The following UNC5D variants were observed in gnomAD, a reference collection of about 807,000 sequenced individuals.
The protein encoded by UNC5D is netrin receptor UNC5D.
Under a neutral mutation model 105.4 loss-of-function variants are expected in UNC5D, and 39 were observed. That is an observed-to-expected ratio of 0.37 (90% CI 0.29 to 0.48). UNC5D has a LOEUF of 0.48. Among genes scored for constraint, UNC5D ranks in the 20% least tolerant of loss-of-function variants. The probability of loss-of-function intolerance (pLI) is 0.98; values close to 1 mark genes in which losing one functional copy is unlikely to be tolerated. For missense variants in UNC5D, 991 were observed against 1,202.4 expected (o/e 0.82, Z 2.60); for synonymous variants, 452 against 450.4 (o/e 1.00, Z -0.04).
intron 1 of UNC5D, among the ~76,000 whole-genome samples, chr8:35,251,846 A>T (rs1471298650): frequency 6.6e-6 from 1 of 152,114 alleles, no homozygotes; most frequent in Non-Finnish European, 1.5e-5. Context: ...TAGGCCTGGT[A>T]GTTCCTCATA....
intron 1 of UNC5D, among the ~76,000 whole-genome samples, chr8:35,291,417 A>G (rs1807057392): frequency 6.6e-6 from 1 of 152,214 alleles, no homozygotes; most frequent in Non-Finnish European, 1.5e-5. Context: ...ACCATAAAGG[A>G]TATGTCTCCA....
chr8:35,749,212 T>C (rs1036047022), intron 12 of UNC5D, among the ~76,000 whole-genome samples: 1 of 152,224 alleles, frequency 6.6e-6, no homozygotes, highest in African/African-American at 2.4e-5. Context: ...GTCTATTTCC[T>C]GTGTGTATGA....
At chr8:35,636,115 G>T (rs776188264) in intron 4 of UNC5D, among the ~76,000 whole-genome samples, 1 of 152,126 alleles carries the variant, frequency 6.6e-6, no homozygotes, top group Non-Finnish European at 1.5e-5. Flanking sequence ...ATCTGCTGCC[G>T]AATTCTATAT....
chr8:35,704,899 C>T (rs1001527168), intron 7 of UNC5D, among the ~76,000 whole-genome samples: 1 of 151,008 alleles, frequency 6.6e-6, no homozygotes, highest in African/African-American at 2.4e-5. Flanking sequence ...GAATGGGGGA[C>T]ACTGGGGGCA....
chr8:35,331,467 G>A (rs1274550066), intron 1 of UNC5D, among the ~76,000 whole-genome samples: 1 of 152,098 alleles, frequency 6.6e-6, no homozygotes, highest in African/African-American at 2.4e-5. Flanking sequence ...GAAAACCAAA[G>A]GAGGAGGCCA....
chr8:35,296,205 T>C (rs371963415), intron 1 of UNC5D, among the ~76,000 whole-genome samples: 9 of 152,184 alleles, frequency 5.9e-5, no homozygotes, highest in African/African-American at 1.9e-4. Flanking sequence ...ACATGGTAGC[T>C]TTATTTTTAG....
chr8:35,401,943 T>C (rs1354957979), intron 1 of UNC5D, among the ~76,000 whole-genome samples: 3 of 152,188 alleles, frequency 2.0e-5, no homozygotes, highest in African/African-American at 7.2e-5. Flanking sequence ...GTGAGAAATA[T>C]TCATCTTAAT....
chr8:35,523,144 G>A (rs1813607351), intron 1 of UNC5D, among the ~76,000 whole-genome samples: 1 of 148,546 alleles, frequency 6.7e-6, no homozygotes, highest in African/African-American at 2.5e-5. Context: ...GTGCAGTGGT[G>A]CACTCATGGC....
At position 35,513,200 on chromosome 8, in the gene UNC5D, G is replaced by A. The variant is rs545672923; in HGVS notation, c.104-36092G>A. Among the ~76,000 whole-genome samples the A allele has an allele frequency of 3.0e-4, 44 of 148,170 alleles. No homozygotes were observed. The East Asian group carries it at 8.1e-3, about 27-fold the overall frequency. On this transcript the variant is annotated intron_variant, in intron 1 of 16. Transcript: ENST00000404895. ...TGTGCATTGCTTCCTCATCTCCTTT[G>A]CCCTTTGCCTTCTTGGACCCTCCTT... is the stretch of plus-strand genomic sequence containing the variant.
In UNC5D at chr8:35,790,681, T is replaced by G. The variant is rs1161183020; in HGVS notation, c.*118T>G. 2 of 1,139,136 alleles carry G rather than the reference T, an allele frequency of 1.8e-6. No individual in the cohort carries two copies. The highest frequency in any genetic ancestry group is 2.5e-6 in the Non-Finnish European group (2 of 790,908). The allele number at this position is 1,139,136 out of a possible 1,614,324, so 70.6% of individuals were successfully genotyped here. A position where few individuals can be genotyped will look rare whatever the true frequency, so the allele number is the denominator to read the frequency against. On this transcript the variant is annotated 3_prime_UTR_variant, in exon 17 of 17. Transcript: ENST00000404895. The stretch of plus-strand genomic sequence containing the variant: ...GAATTCAGCCTTCATTTATAATCAG[T>G]GAGATTCCCCTGTTGAAGAAACTAA...
intron 4 of UNC5D, among the ~76,000 whole-genome samples, chr8:35,660,419 A>G (rs1824036751): frequency 6.6e-6 from 1 of 151,922 alleles, no homozygotes; most frequent in African/African-American, 2.4e-5. Context: ...CCATGACTTC[A>G]TGGTATTTAA....
intron 1 of UNC5D, among the ~76,000 whole-genome samples, chr8:35,495,526 T>C (rs984779882): frequency 1.3e-5 from 2 of 151,482 alleles, no homozygotes; most frequent in African/African-American, 4.9e-5. Flanking sequence ...CAAATTTGTG[T>C]TGGGCCCCAT....
chr8:35,568,440 G>A (rs749549127), intron 3 of UNC5D, among the ~76,000 whole-genome samples, 199 bp downstream of exon 3: 5 of 152,238 alleles, frequency 3.3e-5, no homozygotes, highest in African/African-American at 4.8e-5. Context: ...TGTGATCCCA[G>A]CACTTTGGGA....
intron 1 of UNC5D, among the ~76,000 whole-genome samples, chr8:35,331,259 G>T (rs376872618): frequency 6.6e-6 from 1 of 152,112 alleles, no homozygotes; most frequent in Non-Finnish European, 1.5e-5. Flanking sequence ...CCAGTGGTTC[G>T]ATAAAAATTA....
intron 1 of UNC5D, among the ~76,000 whole-genome samples, chr8:35,421,522 A>G (rs1244747844): frequency 6.6e-6 from 1 of 152,198 alleles, no homozygotes; most frequent in Non-Finnish European, 1.5e-5. Flanking sequence ...AGACTTTTAA[A>G]TTTTACTTTA....
intron 1 of UNC5D, among the ~76,000 whole-genome samples, chr8:35,462,082 T>C (rs4361760): frequency 0.89 from 135,147 of 152,168 alleles, 60,282 homozygotes; most frequent in Non-Finnish European, 0.91. Context: ...TTAAGGGTTA[T>C]TTTCATTTTG....
chr8:35,579,219 T>C (rs1024673290), intron 3 of UNC5D, among the ~76,000 whole-genome samples: 6 of 152,194 alleles, frequency 3.9e-5, no homozygotes, highest in African/African-American at 1.4e-4. Flanking sequence ...AGGAATGTCA[T>C]CTTAGATTAT....
At chr8:35,510,973 C>A (rs989937771) in intron 1 of UNC5D, among the ~76,000 whole-genome samples, 2 of 152,186 alleles carry the variant, frequency 1.3e-5, no homozygotes, top group African/African-American at 2.4e-5. Flanking sequence ...AGCAAAGCCT[C>A]CATTAATTGG....
At chr8:35,236,249 A>T (rs995830799) in intron 1 of UNC5D, among the ~76,000 whole-genome samples, 2 of 152,170 alleles carry the variant, frequency 1.3e-5, no homozygotes, top group African/African-American at 4.8e-5. Flanking sequence ...GAGCTTGGTC[A>T]TGAGTTAGCG....
Sources: gnomAD v4.1 joint callset for allele counts (sites outside exome capture counted in the v4.1 genomes callset) on GRCh38, gnomAD v4.1.1 for gene constraint, MANE v1.5 for transcripts, NCBI Gene and HGNC (gene_info 2026-07-23, HGNC 2026-07-21) for gene names.